CNTN1: variants seen among roughly 807,000 people sequenced by gnomAD.
CNTN1 encodes the protein contactin 1, also known as contactin-1.
A neutral mutation model predicts 126.4 loss-of-function variants in CNTN1; 38 were observed. The ratio of observed to expected loss-of-function variants is 0.30; its 90% CI spans 0.23 to 0.39. The LOEUF (loss-of-function observed/expected upper bound fraction) is 0.39. CNTN1 is among the 10% of genes least tolerant of loss of function. The probability of loss-of-function intolerance (pLI) is 1.00; values close to 1 mark genes in which losing one functional copy is unlikely to be tolerated. For missense variants in CNTN1, 1,009 were observed against 1,248.4 expected, an observed-to-expected ratio of 0.81 and a Z score of 2.89; for synonymous variants, 413 against 422.6, an observed-to-expected ratio of 0.98 and a Z score of 0.28.
chr12:40,780,567 A>C (rs1372049091), intron 1 of CNTN1, among the ~76,000 whole-genome samples: 2 of 151,458 alleles, frequency 1.3e-5, no homozygotes, highest in African/African-American at 4.8e-5. Context: ...TTTCATAGAG[A>C]GTGCCATTGT....
In CNTN1 at chr12:40,731,352, T is replaced by A. The variant is rs1057490738; in HGVS notation, c.-77+38760T>A. On this transcript the variant is annotated intron_variant, in intron 1 of 23. Transcript: ENST00000551295. ...GGCCAAACAGGAATGAATTACAAAC[T>A]TTTTAGTAAACCATAAATGACTAAA... Among the ~76,000 whole-genome samples the A allele has an allele frequency of 2.8e-4, 42 of 151,982 alleles. 1 individual carries two copies. Among genetic ancestry groups the A allele is most frequent in the Admixed American group, 2.7e-3 (41 of 15,236 alleles).
intron 1 of CNTN1, among the ~76,000 whole-genome samples, chr12:40,862,208 TACAC>T (rs145686900): frequency 9.5e-5 from 14 of 147,254 alleles, no homozygotes; most frequent in Non-Finnish European, 1.9e-4. Context: ...TGTCTCTTAA[TACAC>T]ACACACACAC....
chr12:40,699,433 T>A (rs1278673832), intron 1 of CNTN1, among the ~76,000 whole-genome samples: 1 of 152,124 alleles, frequency 6.6e-6, no homozygotes, highest in African/African-American at 2.4e-5. Context: ...TTTTTTTTAA[T>A]GAGGAATTTT....
intron 1 of CNTN1, among the ~76,000 whole-genome samples, chr12:40,698,252 T>A (rs1013415322): frequency 1.4e-5 from 2 of 145,122 alleles, no homozygotes; most frequent in African/African-American, 5.2e-5. Context: ...TTTTTTTTTT[T>A]TTTTACGGAG....
chr12:40,994,908 G>A (rs1948175930), intron 17 of CNTN1, among the ~76,000 whole-genome samples: 1 of 152,000 alleles, frequency 6.6e-6, no homozygotes, highest in Non-Finnish European at 1.5e-5. Flanking sequence ...AAAACTCAAT[G>A]TATGAGAACA....
chr12:40,993,276 A>G lies in CNTN1; in HGVS notation c.2113+7A>G, dbSNP rs377724837. 4 of 1,612,346 alleles carry G rather than the reference A, an allele frequency of 2.5e-6. No individual in the cohort carries two copies. Among genetic ancestry groups the G allele is most frequent in the Admixed American group, 1.7e-5 (1 of 59,952 alleles). ...ATTAAAACAGACGGTGCTGGTATGTATATACAAGAAACTTGAAATTTTAAA... is the reference window on the plus strand; with the variant it reads ...ATTAAAACAGACGGTGCTGGTATGTGTATACAAGAAACTTGAAATTTTAAA... On this transcript the variant is annotated splice_region_variant and intron_variant, in intron 17 of 23. Coordinates refer to ENST00000551295, the MANE Select transcript of CNTN1 (RefSeq NM_001843.4).
chr12:40,963,171 C>A (rs917354558), intron 15 of CNTN1, among the ~76,000 whole-genome samples: 1 of 152,090 alleles, frequency 6.6e-6, no homozygotes, highest in Non-Finnish European at 1.5e-5. Flanking sequence ...ACTGTAATCC[C>A]AGCACTTTGG....
At chr12:41,034,914 A>G (rs567057858) in intron 23 of CNTN1, among the ~76,000 whole-genome samples, 1 of 152,320 alleles carries the variant, frequency 6.6e-6, no homozygotes, top group South Asian at 2.1e-4. Context: ...ATGATTATTA[A>G]CATAACTCCT....
At chr12:40,957,931 A>T (rs1946950840) in intron 14 of CNTN1, among the ~76,000 whole-genome samples, 1 of 152,054 alleles carries the variant, frequency 6.6e-6, no homozygotes, top group Non-Finnish European at 1.5e-5. Context: ...AGGGAACATG[A>T]TATATGAAGA....
chr12:40,750,162 C>T (rs1339119998), intron 1 of CNTN1, among the ~76,000 whole-genome samples: 1 of 151,936 alleles, frequency 6.6e-6, no homozygotes, highest in Non-Finnish European at 1.5e-5. Context: ...AAAAATGGGA[C>T]AGTAACTGGA....
At chr12:40,811,130 G>A (rs1941045159) in intron 1 of CNTN1, among the ~76,000 whole-genome samples, 1 of 152,188 alleles carries the variant, frequency 6.6e-6, no homozygotes, top group South Asian at 2.1e-4. Context: ...TAATGCTGCA[G>A]TGAACATGGA....
At position 41,014,429 on chromosome 12, in the gene CNTN1, T is replaced by C; in HGVS notation, c.2184+131T>C. 3 of 936,824 alleles carry C rather than the reference T, an allele frequency of 3.2e-6. 1 individual carries two copies. The highest frequency in any genetic ancestry group is 5.0e-6 in the Non-Finnish European group (3 of 601,508). The allele number at this position is 936,824 out of a possible 1,614,324, so 58.0% of individuals were successfully genotyped here. A position where few individuals can be genotyped will look rare whatever the true frequency, so the allele number is the denominator to read the frequency against. On this transcript the variant is annotated intron_variant, in intron 18 of 23. Transcript: ENST00000551295. The stretch of plus-strand genomic sequence containing the variant: ...CACAAGCAAGAATATATTACTATTT[T>C]TTTTTCTTAAATGCAAATCAGATTT...
At chr12:41,002,127 T>G (rs1456909355) in intron 17 of CNTN1, among the ~76,000 whole-genome samples, 1 of 152,138 alleles carries the variant, frequency 6.6e-6, no homozygotes, top group African/African-American at 2.4e-5. Context: ...ATTTTATTTT[T>G]TTGGTTCCAT....
At chr12:40,738,504 A>G (rs1937797141) in intron 1 of CNTN1, among the ~76,000 whole-genome samples, 1 of 152,102 alleles carries the variant, frequency 6.6e-6, no homozygotes. Flanking sequence ...AAAAATGTAA[A>G]GCTTCATTTT....
intron 1 of CNTN1, among the ~76,000 whole-genome samples, chr12:40,836,823 G>A (rs370191505): frequency 1.5e-4 from 23 of 152,270 alleles, no homozygotes; most frequent in Middle Eastern, 3.4e-3. Flanking sequence ...TTGGTGTTGA[G>A]ATAATTATTT....
At chr12:40,945,236 A>C (rs60302627) in intron 14 of CNTN1, among the ~76,000 whole-genome samples, 5,177 of 152,162 alleles carry the variant, frequency 0.034, 281 homozygotes, top group African/African-American at 0.12. Flanking sequence ...ATTATATACC[A>C]TGTAATATAT....
At chr12:40,711,963 T>C (rs560331645) in intron 1 of CNTN1, among the ~76,000 whole-genome samples, 1 of 152,258 alleles carries the variant, frequency 6.6e-6, no homozygotes, top group Admixed American at 6.5e-5. Flanking sequence ...GAAGTGATTG[T>C]CTTGTCTCAG....
At chr12:41,004,474 G>C (rs1948442732) in intron 17 of CNTN1, among the ~76,000 whole-genome samples, 1 of 152,160 alleles carries the variant, frequency 6.6e-6, no homozygotes, top group Non-Finnish European at 1.5e-5. Flanking sequence ...CCAATGCTGA[G>C]TTCAGGTCCT....
chr12:40,727,609 G>GA (rs1942391587), intron 1 of CNTN1, among the ~76,000 whole-genome samples: 1 of 152,110 alleles, frequency 6.6e-6, no homozygotes, highest in Non-Finnish European at 1.5e-5. Flanking sequence ...AACTTATTTA[G>GA]AAAAAACACT....
Sources: allele counts gnomAD v4.1 joint callset (sites outside exome capture counted in the v4.1 genomes callset), GRCh38; gene constraint gnomAD v4.1.1; transcripts MANE v1.5; gene names NCBI Gene and HGNC (gene_info 2026-07-23, HGNC 2026-07-21).